TMEM135: variants seen among roughly 807,000 people sequenced by gnomAD.
TMEM135 encodes peroxisomal membrane protein 52.
TMEM135 carries 30 observed loss-of-function variants against 60.3 expected under a neutral mutation model. That is an observed-to-expected ratio of 0.50 (90% CI 0.37 to 0.68). The LOEUF (loss-of-function observed/expected upper bound fraction) is 0.68, where lower values mean the gene tolerates loss of function less well. TMEM135 is among the 30% of genes least tolerant of loss of function. The pLI is 0.00. For missense variants in TMEM135, 468 were observed against 548.8 expected (o/e 0.85, Z 1.47); for synonymous variants, 190 against 186.7 (o/e 1.02, Z -0.14).
chr11:87,266,053 T>C (rs1348659336), intron 6 of TMEM135, among the ~76,000 whole-genome samples: 4 of 152,136 alleles, frequency 2.6e-5, no homozygotes. Context: ...AAAAAGGAAA[T>C]ATTTATTTTG....
intron 3 of TMEM135, among the ~76,000 whole-genome samples, chr11:87,079,685 G>A (rs187521072): frequency 3.3e-5 from 5 of 151,546 alleles, no homozygotes; most frequent in East Asian, 2.0e-4. Context: ...TAGCTGTGGG[G>A]TGGTTTTTCA....
At chr11:87,085,485 G>T (rs1171282321) in intron 3 of TMEM135, among the ~76,000 whole-genome samples, 2 of 152,160 alleles carry the variant, frequency 1.3e-5, no homozygotes, top group African/African-American at 4.8e-5. Context: ...GGCCAGGTGC[G>T]GTGGCTCATG....
chr11:87,316,252 C>T, intron 12 of TMEM135, among the ~76,000 whole-genome samples: 1 of 149,788 alleles, frequency 6.7e-6, no homozygotes, highest in East Asian at 2.0e-4. Flanking sequence ...TAATTACTTG[C>T]TTTACCCAAA....
At chr11:87,070,894 T>A (rs1856763030) in intron 2 of TMEM135, among the ~76,000 whole-genome samples, 1 of 152,174 alleles carries the variant, frequency 6.6e-6, no homozygotes, top group African/African-American at 2.4e-5. Flanking sequence ...GAAAAAATAG[T>A]CATAATAATA....
chr11:87,136,207 A>G (rs1031114482), intron 4 of TMEM135, among the ~76,000 whole-genome samples: 4 of 151,996 alleles, frequency 2.6e-5, no homozygotes, highest in Non-Finnish European at 5.9e-5. Flanking sequence ...TGTATGCCTT[A>G]TGAGAGTTAA....
intron 5 of TMEM135, among the ~76,000 whole-genome samples, chr11:87,228,556 C>T (rs1335370050): frequency 2.0e-5 from 3 of 152,116 alleles, no homozygotes; most frequent in East Asian, 1.9e-4. Flanking sequence ...TTAATGAATA[C>T]GGGGGGAGAT....
intron 4 of TMEM135, among the ~76,000 whole-genome samples, chr11:87,106,483 G>A (rs975178878): frequency 2.6e-5 from 4 of 152,056 alleles, no homozygotes; most frequent in Admixed American, 2.0e-4. Flanking sequence ...AAGGATTTTG[G>A]CATCTATGTT....
chr11:87,055,679 C>T (rs191563630), intron 1 of TMEM135, among the ~76,000 whole-genome samples: 213 of 152,212 alleles, frequency 1.4e-3, no homozygotes, highest in African/African-American at 4.0e-3. Context: ...CAACCTCCGC[C>T]TCCTAGGTTC....
At chr11:87,256,196 A>G (rs1026239713) in intron 6 of TMEM135, among the ~76,000 whole-genome samples, 3 of 152,210 alleles carry the variant, frequency 2.0e-5, no homozygotes, top group Non-Finnish European at 2.9e-5. Flanking sequence ...AAATATTATT[A>G]GAGGATCCAT....
chr11:87,055,031 A>C (rs1453577142), intron 1 of TMEM135, among the ~76,000 whole-genome samples: 1 of 152,188 alleles, frequency 6.6e-6, no homozygotes, highest in East Asian at 1.9e-4. Context: ...GTGGAGGTTA[A>C]CAATGAAGGG....
At chr11:87,151,614 A>G (rs1200948434) in intron 4 of TMEM135, among the ~76,000 whole-genome samples, 1 of 151,436 alleles carries the variant, frequency 6.6e-6, no homozygotes, top group Non-Finnish European at 1.5e-5. Flanking sequence ...ACCTATTTCA[A>G]TGTGTAATTT....
intron 7 of TMEM135, 86 bp from the exon 8 acceptor site, chr11:87,302,210 G>A (rs2276103): frequency 0.23 from 320,292 of 1,365,706 alleles, 38,735 homozygotes; most frequent in South Asian, 0.25. Flanking sequence ...TTGCCAAAGC[G>A]TATTTGTTTA....
chr11:87,266,843 C>T (rs543190715), intron 6 of TMEM135, among the ~76,000 whole-genome samples: 1 of 152,290 alleles, frequency 6.6e-6, no homozygotes, highest in South Asian at 2.1e-4. Context: ...GACAGGTTTA[C>T]CTGGGCTGTA....
At chr11:87,114,752 C>T (rs1162487986) in intron 4 of TMEM135, among the ~76,000 whole-genome samples, 1 of 152,120 alleles carries the variant, frequency 6.6e-6, no homozygotes, top group East Asian at 1.9e-4. Flanking sequence ...CCATTGTAAA[C>T]AAGGTGGGCA....
chr11:87,122,994 G>C (rs1937627325), intron 4 of TMEM135, among the ~76,000 whole-genome samples: 1 of 152,164 alleles, frequency 6.6e-6, no homozygotes, highest in Non-Finnish European at 1.5e-5. Context: ...ATTTAACTTT[G>C]CCAGCGTAGA....
rs1323246347 is a variant in TMEM135, at chr11:87,168,466, A to G, written c.462+11060A>G. ...TGGTGCTATAAATTTCCCTCTAAAG[A>G]CTCCTTTAGCTGTGTCCCAGAGATT... On this transcript the variant is annotated intron_variant, in intron 5 of 14. Transcript: ENST00000305494. 1.3e-5 allele frequency among the ~76,000 whole-genome samples: 2 copies of G among 151,120 alleles called. 1 individual carries two copies. Among genetic ancestry groups the G allele is most frequent in the African/African-American group, 4.9e-5 (2 of 41,076 alleles).
rs1190980918 is a variant in TMEM135, at chr11:87,159,590, C to T, written c.462+2184C>T. On this transcript the variant is annotated intron_variant, in intron 5 of 14. Coordinates refer to ENST00000305494, the MANE Select transcript of TMEM135 (RefSeq NM_022918.4). ...TCAAAGATACTACTGAATACACACA[C>T]GCGCACACACACACACACACACACA... 4.2e-5 allele frequency among the ~76,000 whole-genome samples: 5 copies of T among 119,166 alleles called. No homozygotes were observed. In the East Asian group the frequency reaches 1.5e-3, roughly 36 times the overall value. The allele number at this position is 119,166 out of a possible 152,430, so 78.2% of individuals were successfully genotyped here.
chr11:87,109,084 A>G (rs188617675), intron 4 of TMEM135, among the ~76,000 whole-genome samples: 8 of 152,294 alleles, frequency 5.3e-5, no homozygotes, highest in African/African-American at 1.9e-4. Context: ...ACAAAGGAAC[A>G]CAAGGAAACT....
chr11:87,073,179 C>G (rs890561654), intron 3 of TMEM135, among the ~76,000 whole-genome samples: 4 of 152,134 alleles, frequency 2.6e-5, no homozygotes, highest in African/African-American at 4.8e-5. Flanking sequence ...GGACTACAGG[C>G]ACGTGCCACC....
Sources: gnomAD v4.1 joint callset for allele counts (sites outside exome capture counted in the v4.1 genomes callset) on GRCh38, gnomAD v4.1.1 for gene constraint, MANE v1.5 for transcripts, NCBI Gene and HGNC (gene_info 2026-07-23, HGNC 2026-07-21) for gene names.